Variants in MED27 observed in about 807,000 individuals in gnomAD.
The protein encoded by MED27 is mediator complex subunit 27.
In MED27, 30 loss-of-function variants were observed where a neutral mutation model predicts 38.2. The ratio of observed to expected loss-of-function variants is 0.79; its 90% CI spans 0.59 to 1.07. The LOEUF (loss-of-function observed/expected upper bound fraction) is 1.07, where lower values mean the gene tolerates loss of function less well. Among genes scored for constraint, MED27 ranks in the 50% least tolerant of loss-of-function variants. The pLI is 0.00. For synonymous variants in MED27, 122 were observed against 153.5 expected (o/e 0.79, Z 1.52); for missense variants, 289 against 397.5 (o/e 0.73, Z 2.32).
In MED27 at chr9:131,903,876, C is replaced by T. The variant is rs191301633; in HGVS notation, c.574-9884G>A. Among the ~76,000 whole-genome samples, 283 of 148,334 alleles carry T rather than the reference C, an allele frequency of 1.9e-3. 1 individual carries two copies. Among genetic ancestry groups the T allele is most frequent in the African/African-American group, 6.2e-3 (248 of 40,286 alleles). ...CCAAATAGTTGGGACTATAGGCATG[C>T]GCCACCACACACAGCTTTTTTTTTT... On this transcript the variant is annotated intron_variant, in intron 4 of 7. Transcript: ENST00000292035.
Position 132,051,835 on chromosome 9 carries a change from T to C in MED27, c.348+25607A>G, listed in dbSNP as rs1833470895. On this transcript the variant is annotated intron_variant, in intron 2 of 7. Coordinates refer to ENST00000292035, the MANE Select transcript of MED27 (RefSeq NM_004269.4). This position sits in a 1 kb window ranked among gnomAD's most constrained non-coding sequence, Gnocchi z 4.2. ...CTCTGATCCCAGAAAATATGTCACATATCACATTAAAACCAGAAGAATCCC... is the reference window on the plus strand; with the variant it reads ...CTCTGATCCCAGAAAATATGTCACACATCACATTAAAACCAGAAGAATCCC... Among the ~76,000 whole-genome samples, 1 of 152,132 alleles carries C rather than the reference T, an allele frequency of 6.6e-6. No individual in the cohort carries two copies. The highest frequency in any genetic ancestry group is 2.4e-5 in the African/African-American group (1 of 41,430).
chr9:131,919,821 T>C (rs1830357203), intron 4 of MED27, among the ~76,000 whole-genome samples: 1 of 151,526 alleles, frequency 6.6e-6, no homozygotes, highest in Admixed American at 6.6e-5. Context: ...CTTTTTTTTT[T>C]TTTTTGAGAT....
In MED27 at chr9:132,051,914, C is replaced by T. The variant is rs1431185712; in HGVS notation, c.348+25528G>A. 4.6e-5 allele frequency among the ~76,000 whole-genome samples: 7 copies of T among 152,110 alleles called. No individual in the cohort carries two copies. The highest frequency in any genetic ancestry group is 1.4e-4 in the African/African-American group (6 of 41,398). ...GTCCCTTTCCTTGCCATTTTAACTACGATGAGAAAGTTTAGCTTATAATAG... is the reference window on the plus strand; with the variant it reads ...GTCCCTTTCCTTGCCATTTTAACTATGATGAGAAAGTTTAGCTTATAATAG... On this transcript the variant is annotated intron_variant, in intron 2 of 7. Coordinates refer to ENST00000292035, the MANE Select transcript of MED27 (RefSeq NM_004269.4). This position sits in a 1 kb window ranked among gnomAD's most constrained non-coding sequence, Gnocchi z 4.2.
intron 4 of MED27, among the ~76,000 whole-genome samples, chr9:131,911,161 A>T (rs72761691): frequency 1.3e-5 from 2 of 152,100 alleles, no homozygotes; most frequent in African/African-American, 4.8e-5. Context: ...ACACAAATTA[A>T]GTGCTCTAAA....
At chr9:131,957,265 C>CT (rs575713447) in intron 3 of MED27, among the ~76,000 whole-genome samples, 6,277 of 146,064 alleles carry the variant, frequency 0.043, 162 homozygotes, top group Non-Finnish European at 0.057. Flanking sequence ...TTCTTTTATT[C>CT]TTTTTTTTTT....
chr9:131,933,208 T>C (rs1830621544), intron 4 of MED27, among the ~76,000 whole-genome samples: 1 of 152,048 alleles, frequency 6.6e-6, no homozygotes, highest in South Asian at 2.1e-4. Flanking sequence ...ATTTAGAACA[T>C]GACAAGGATG....
chr9:131,875,956 A>C (rs1217210346), intron 6 of MED27, among the ~76,000 whole-genome samples: 1 of 152,230 alleles, frequency 6.6e-6, no homozygotes, highest in Non-Finnish European at 1.5e-5. Flanking sequence ...GAATCCACAC[A>C]GGAAACAGTA....
intron 3 of MED27, among the ~76,000 whole-genome samples, chr9:131,939,915 T>C (rs1469356249): frequency 6.6e-6 from 1 of 150,824 alleles, no homozygotes. Context: ...TTTTTTTTTT[T>C]TTTTTCTTTG....
At chr9:132,033,561 C>T (rs898376879) in intron 2 of MED27, among the ~76,000 whole-genome samples, 1 of 152,214 alleles carries the variant, frequency 6.6e-6, no homozygotes, top group Non-Finnish European at 1.5e-5. Flanking sequence ...ACCTCTCCAT[C>T]GAATGTCATC....
chr9:131,893,848 G>A (rs1402247647), intron 5 of MED27, 37 bp downstream of exon 5: 2 of 1,497,300 alleles, frequency 1.3e-6, no homozygotes, highest in Non-Finnish European at 1.9e-6. Flanking sequence ...CTGGGATACA[G>A]AAAACCAAGG....
At chr9:131,938,190 G>A (rs1343926149) in intron 4 of MED27, among the ~76,000 whole-genome samples, 1 of 152,136 alleles carries the variant, frequency 6.6e-6, no homozygotes, top group East Asian at 1.9e-4. Flanking sequence ...GGAGTAAACA[G>A]TAACTCATCC....
chr9:132,076,579 C>T (rs1196201145), intron 2 of MED27, among the ~76,000 whole-genome samples: 1 of 152,094 alleles, frequency 6.6e-6, no homozygotes, highest in African/African-American at 2.4e-5. Flanking sequence ...CAATGGATTA[C>T]TGGAGGGGGC....
chr9:131,981,604 A>G (rs1831737460), intron 3 of MED27, among the ~76,000 whole-genome samples: 1 of 152,234 alleles, frequency 6.6e-6, no homozygotes, highest in East Asian at 1.9e-4. Flanking sequence ...GGCTCATATA[A>G]TTTACAACAG....
At position 131,889,182 on chromosome 9, in the gene MED27, A is replaced by T. The variant is rs538601930; in HGVS notation, c.681+4703T>A. Among the ~76,000 whole-genome samples, 1 of 152,188 alleles carries T rather than the reference A, an allele frequency of 6.6e-6. No individual in the cohort carries two copies. Among genetic ancestry groups the T allele is most frequent in the South Asian group, 2.1e-4 (1 of 4,830 alleles). On this transcript the variant is annotated intron_variant, in intron 5 of 7. Transcript: ENST00000292035. This position sits in a 1 kb window ranked among gnomAD's most constrained non-coding sequence, Gnocchi z 4.2. ...CGACCCACATGCACACACACAGCCA[A>T]CTTTGAAGTGGGAAGAATGCAGGGA...
At chr9:131,867,663 T>G (rs1222619529) in intron 6 of MED27, among the ~76,000 whole-genome samples, 2 of 152,242 alleles carry the variant, frequency 1.3e-5, no homozygotes, top group Non-Finnish European at 1.5e-5. Context: ...AGGAGTTGGT[T>G]AGAAATCTGC....
At chr9:131,956,916 T>G (rs1360674949) in intron 3 of MED27, among the ~76,000 whole-genome samples, 3 of 151,160 alleles carry the variant, frequency 2.0e-5, no homozygotes, top group Non-Finnish European at 2.9e-5. Context: ...AACAAGGACA[T>G]GCCAATCTTC....
At chr9:132,000,330 A>C (rs577545115) in intron 3 of MED27, among the ~76,000 whole-genome samples, 2 of 152,150 alleles carry the variant, frequency 1.3e-5, no homozygotes, top group Non-Finnish European at 2.9e-5. Context: ...CAGAATGTCT[A>C]AACATTAAAA....
At chr9:132,075,466 G>A (rs569412464) in intron 2 of MED27, among the ~76,000 whole-genome samples, 155 of 152,250 alleles carry the variant, frequency 1.0e-3, no homozygotes, top group Middle Eastern at 6.8e-3. Context: ...AAATGCATAC[G>A]GATATTTTTA....
chr9:132,049,763 C>T (rs1190289890), intron 2 of MED27, among the ~76,000 whole-genome samples: 5 of 152,142 alleles, frequency 3.3e-5, no homozygotes, highest in Admixed American at 2.0e-4. Context: ...CAACTGTCTG[C>T]GAGACTGGCT....
Sources: allele counts gnomAD v4.1 joint callset (sites outside exome capture counted in the v4.1 genomes callset), GRCh38; gene constraint gnomAD v4.1.1; non-coding constraint Gnocchi (gnomAD v3.1); transcripts MANE v1.5; gene names NCBI Gene and HGNC (gene_info 2026-07-23, HGNC 2026-07-21).